FHDC1: variants seen among roughly 807,000 people sequenced by gnomAD.
FHDC1 encodes the protein FH2 domain-containing protein 1.
In FHDC1, 25 loss-of-function variants were observed where a neutral mutation model predicts 52.6. The observed-to-expected ratio is 0.48, with a 90% CI of 0.35 to 0.66. The LOEUF is 0.66. Among genes scored for constraint, FHDC1 ranks in the 30% least tolerant of loss-of-function variants. FHDC1 has a pLI of 0.01. For synonymous variants in FHDC1, 616 were observed against 581.5 expected (o/e 1.06, Z -0.85); for missense variants, 1,459 against 1,452.8 (o/e 1.00, Z -0.07).
At chr4:152,916,317 G>C in the FHDC1 span, among the ~76,000 whole-genome samples, 1 of 152,138 alleles carries the variant, frequency 6.6e-6, no homozygotes, top group Non-Finnish European at 1.5e-5. Flanking sequence ...TAGGGGAACA[G>C]CTTTATTAGG....
At chr4:152,959,303 G>A (rs570538842) in intron 4 of FHDC1, among the ~76,000 whole-genome samples, 1 of 152,212 alleles carries the variant, frequency 6.6e-6, no homozygotes, top group Admixed American at 6.5e-5. Flanking sequence ...AGTGTTCTGT[G>A]TGGGGAAGGC....
At chr4:152,940,849 A>T (rs1489407122) in intron 1 of FHDC1, among the ~76,000 whole-genome samples, 1 of 152,212 alleles carries the variant, frequency 6.6e-6, no homozygotes, top group Non-Finnish European at 1.5e-5. Context: ...GTTCAGATAT[A>T]ACTATAAACT....
rs775250201 is a variant in FHDC1, at chr4:152,975,659, G to A, written c.2368G>A (p.Asp790Asn). 16 of 1,613,516 alleles carry A rather than the reference G, an allele frequency of 9.9e-6. No individual in the cohort carries two copies. Among genetic ancestry groups the A allele is most frequent in the South Asian group, 3.3e-5 (3 of 91,068 alleles). ...SLTLDCSEGT[D>N]SRPRGGDPEE... is the part of the protein sequence containing the mutation. ...GACCCTGGACTGCTCAGAGGGAACC[G>A]ACTCCAGACCCAGAGGCGGGGACCC... Residue 790 changes from aspartate to asparagine, a missense_variant, in exon 12 of 12, where the codon GAC becomes AAC. By Grantham distance (23) the Asp-to-Asn change is conservative (BLOSUM62 1). Around this residue, in one of 3 missense-constraint regions of FHDC1, gnomAD observed 939 missense variants for 854.5 expected, o/e 1.10. Coordinates refer to ENST00000511601, the MANE Select transcript of FHDC1 (RefSeq NM_001371116.1).
chr4:152,974,571 C>T, intron 11 of FHDC1, 104 bp from the exon 12 acceptor site: 2 of 1,465,360 alleles, frequency 1.4e-6, no homozygotes, highest in Non-Finnish European at 9.0e-7. Flanking sequence ...CCTGAGCTCC[C>T]CTCCATGCCT....
At chr4:152,935,888 A>G (rs903693810), upstream of FHDC1, among the ~76,000 whole-genome samples, 5 of 152,192 alleles carry the variant, frequency 3.3e-5, no homozygotes, top group African/African-American at 1.2e-4. Context: ...CGTGTGCACA[A>G]GAGAGGGTGC....
chr4:152,939,864 C>T (rs901686243), intron 1 of FHDC1, among the ~76,000 whole-genome samples: 1 of 152,186 alleles, frequency 6.6e-6, no homozygotes, highest in Non-Finnish European at 1.5e-5. Flanking sequence ...CTGTCTCTGT[C>T]TGCCCAGGGG....
At chr4:152,963,671 A>G (rs1458227547) in intron 8 of FHDC1, among the ~76,000 whole-genome samples, 27 of 147,494 alleles carry the variant, frequency 1.8e-4, no homozygotes, top group Non-Finnish European at 6.0e-5. Flanking sequence ...GTGACCAGTT[A>G]TGTGTAGAAA....
chr4:152,949,146 A>T (rs1043414745), intron 2 of FHDC1, among the ~76,000 whole-genome samples: 1 of 124,722 alleles, frequency 8.0e-6, no homozygotes, highest in Non-Finnish European at 1.8e-5. Context: ...GAAGAAGAAG[A>T]AGAAGAAGAA....
chr4:152,913,857 T>C, the FHDC1 span, among the ~76,000 whole-genome samples: 1 of 151,416 alleles, frequency 6.6e-6, no homozygotes, highest in African/African-American at 2.4e-5. Flanking sequence ...ATTTTATATT[T>C]TTAGTTAGAG....
the FHDC1 span, among the ~76,000 whole-genome samples, chr4:152,913,191 T>C: frequency 1.3e-5 from 2 of 152,360 alleles, no homozygotes; most frequent in Middle Eastern, 6.8e-3. Context: ...AAGTTAAGTT[T>C]AATGTGTATT....
intron 8 of FHDC1, 92 bp from the exon 9 acceptor site, chr4:152,964,813 A>G (rs1223153287): frequency 3.0e-6 from 3 of 990,872 alleles, no homozygotes; most frequent in Non-Finnish European, 4.6e-6. Flanking sequence ...TAAAAACAGG[A>G]GCAGTGATTT....
In FHDC1 at chr4:152,975,572, G is replaced by T. The variant is rs770769119; in HGVS notation, c.2281G>T (p.Asp761Tyr). The T allele has an allele frequency of 1.2e-6, 2 of 1,613,456 alleles. No homozygotes were observed. Among genetic ancestry groups the T allele is most frequent in the African/African-American group, 1.3e-5 (1 of 74,932 alleles). ...AGCTTTGGGATCTGTGGGTAGCAGCGACCCTGAGAACAAAGATCCTAGACC... is the reference window on the plus strand; with the variant it reads ...AGCTTTGGGATCTGTGGGTAGCAGCTACCCTGAGAACAAAGATCCTAGACC... ...SAALGSVGSS[D>Y]PENKDPRPLF... The change falls in exon 12 of 12, where the codon GAC (aspartate) becomes TAC (tyrosine). Residue 761 changes from aspartate (D) to tyrosine (Y), a missense_variant. Coordinates refer to ENST00000511601, the MANE Select transcript of FHDC1 (RefSeq NM_001371116.1).
chr4:152,974,626 A>G, intron 11 of FHDC1, 49 bp from the exon 12 acceptor site: 1 of 1,496,000 alleles, frequency 6.7e-7, no homozygotes, highest in South Asian at 1.4e-5. Flanking sequence ...GGAACTGCAC[A>G]TTGGTCCCAC....
chr4:152,975,278 C>T lies in FHDC1; in HGVS notation c.1987C>T (p.Leu663Phe). 2 of 1,613,592 alleles carry T rather than the reference C, an allele frequency of 1.2e-6. No homozygotes were observed. Among genetic ancestry groups the T allele is most frequent in the African/African-American group, 1.3e-5 (1 of 75,062 alleles). ...VSLGSAQSPP[L>F]SPLALGIKEH... ...CCTGGGCTCAGCACAGTCCCCTCCT[C>T]TCTCGCCATTGGCTCTGGGAATTAA... Residue 663 changes from leucine (L) to phenylalanine (F), a missense_variant, in exon 12 of 12, where the codon CTC (leucine) becomes TTC (phenylalanine). This residue lies in a region of FHDC1 where 939 missense variants were observed against 854.5 expected (regional missense o/e 1.10). Transcript: ENST00000511601.
intron 2 of FHDC1, among the ~76,000 whole-genome samples, chr4:152,947,095 T>C (rs1739756557): frequency 6.6e-6 from 1 of 151,798 alleles, no homozygotes; most frequent in Non-Finnish European, 1.5e-5. Flanking sequence ...GTTACACACC[T>C]GTAATCCCAG....
At chr4:152,935,931 A>G (rs1739354174), upstream of FHDC1, among the ~76,000 whole-genome samples, 1 of 152,064 alleles carries the variant, frequency 6.6e-6, no homozygotes, top group Non-Finnish European at 1.5e-5. Flanking sequence ...CCTTTGTGAA[A>G]GGCACTTGCA....
At chr4:152,944,038 A>G (rs1296586900) in intron 2 of FHDC1, among the ~76,000 whole-genome samples, 1 of 152,194 alleles carries the variant, frequency 6.6e-6, no homozygotes, top group Non-Finnish European at 1.5e-5. Context: ...TTTATATAAC[A>G]AGTGTTTCTA....
intron 4 of FHDC1, among the ~76,000 whole-genome samples, chr4:152,956,410 T>C: frequency 6.6e-6 from 1 of 152,226 alleles, no homozygotes; most frequent in Non-Finnish European, 1.5e-5. Flanking sequence ...GGTGGGAAAC[T>C]GAATACAATT....
Position 152,974,910 on chromosome 4 carries a change from G to A in FHDC1, c.1619G>A (p.Arg540His), listed in dbSNP as rs769845699. Residue 540 changes from arginine (R) to histidine (H), a missense_variant, in exon 12 of 12, where the codon CGC (arginine) becomes CAC (histidine). This residue lies in a region of FHDC1 where 939 missense variants were observed against 854.5 expected (regional missense o/e 1.10). Transcript: ENST00000511601. ...SYRPPNTRRS[R>H]LSLGPSADRE... ...CGGCCCCCGAACACCCGCCGCTCCC[G>A]CCTCTCCCTGGGTCCCTCTGCTGAC... The A allele has an allele frequency of 1.7e-5, 27 of 1,611,168 alleles. No individual in the cohort carries two copies. The highest frequency in any genetic ancestry group is 4.0e-5 in the African/African-American group (3 of 74,786).
Sources: gnomAD v4.1 joint callset for allele counts (sites outside exome capture counted in the v4.1 genomes callset) on GRCh38, gnomAD v4.1.1 for gene constraint, gnomAD v4.1.1 regional missense constraint, MANE v1.5 for transcripts, NCBI Gene and HGNC (gene_info 2026-07-23, HGNC 2026-07-21) for gene names.